The following MYH9 variants were observed in gnomAD, a reference collection of about 807,000 sequenced individuals.
MYH9 encodes the protein myosin-9.
MYH9 carries 29 observed loss-of-function variants against 241.9 expected under a neutral mutation model. That is an observed-to-expected ratio of 0.12 (90% CI 0.09 to 0.16). MYH9 has a LOEUF of 0.16. Among genes scored for constraint, MYH9 ranks in the 10% least tolerant of loss-of-function variants. MYH9 has a pLI of 1.00. For missense variants in MYH9, 1,803 were observed against 2,595.5 expected (o/e 0.69, Z 6.63); for synonymous variants, 1,047 against 1,062.6 (o/e 0.99, Z 0.29).
chr22:36,288,535 G>A lies in MYH9; in HGVS notation c.4771-122C>T. ...CCATGGGGCCTCGGGAAACCAGTGG[G>A]GATTACTGACCATAAGAACTCTAAG... is the stretch of plus-strand genomic sequence containing the variant. On this transcript the variant is annotated intron_variant, in intron 33 of 40. Coordinates refer to ENST00000216181, the MANE Select transcript of MYH9 (RefSeq NM_002473.6). The surrounding 1 kb of genome is among the most constrained non-coding windows in gnomAD (Gnocchi z 4.8). The A allele has an allele frequency of 7.1e-7, 1 of 1,404,340 alleles. No homozygotes were observed. Among genetic ancestry groups the A allele is most frequent in the Non-Finnish European group, 9.9e-7 (1 of 1,006,956 alleles). 87.0% of individuals were successfully genotyped at this position (1,404,340 alleles called of 1,614,324 possible).
intron 30 of MYH9, 79 bp from the exon 31 acceptor site, chr22:36,292,313 A>T: frequency 6.3e-7 from 1 of 1,590,574 alleles, no homozygotes; most frequent in Non-Finnish European, 8.6e-7. Flanking sequence ...GGCAGCTGGG[A>T]GCCTGCCTGC....
At chr22:36,343,316 G>A (rs184701569) in intron 2 of MYH9, among the ~76,000 whole-genome samples, 153 of 152,116 alleles carry the variant, frequency 1.0e-3, no homozygotes, top group Non-Finnish European at 2.0e-3. Context: ...TGAGAGGATC[G>A]CTTGAGGCCA....
chr22:36,349,262 G>C lies in MYH9; in HGVS notation c.-19-7C>G. The C allele has an allele frequency of 1.2e-6, 2 of 1,607,118 alleles. No homozygotes were observed. The highest frequency in any genetic ancestry group is 8.5e-7 in the Non-Finnish European group (1 of 1,174,428). On this transcript the variant is annotated splice_polypyrimidine_tract_variant and splice_region_variant and intron_variant, in intron 1 of 40. Transcript: ENST00000216181. ...GGTGACTTATAGCCAGGACCTAAGCGGGGAGGAGAAGGACAACACATTACA... is the reference window on the plus strand; with the variant it reads ...GGTGACTTATAGCCAGGACCTAAGCCGGGAGGAGAAGGACAACACATTACA...
chr22:36,295,728 G>A lies in MYH9; in HGVS notation c.3273-11C>T, dbSNP rs187048815. 1.5e-4 allele frequency: 249 copies of A among 1,609,798 alleles called. No homozygotes were observed. The highest frequency in any genetic ancestry group is 8.0e-4 in the Admixed American group (48 of 59,756). On this transcript the variant is annotated splice_polypyrimidine_tract_variant and intron_variant, in intron 25 of 40. Coordinates refer to ENST00000216181, the MANE Select transcript of MYH9 (RefSeq NM_002473.6). This position sits in a 1 kb window ranked among gnomAD's most constrained non-coding sequence, Gnocchi z 4.1. ...GCTTCCTCTTCCACTCTGCCAAAGC[G>A]ACCAGCAACATCAGTATAAGGAGAG...
At chr22:36,294,422 G>T in intron 27 of MYH9, 124 bp from the exon 28 acceptor site, 1 of 1,035,996 alleles carries the variant, frequency 9.7e-7, no homozygotes, top group Non-Finnish European at 1.4e-6. Context: ...GTGTGCCTGC[G>T]TCCTGGACTC....
chr22:36,292,230 G>A lies in MYH9; in HGVS notation c.4100C>T (p.Ala1367Val), dbSNP rs774636106. 6.2e-7 allele frequency: 1 copy of A among 1,613,620 alleles called. No homozygotes were observed. The highest frequency in any genetic ancestry group is 1.7e-5 in the Admixed American group (1 of 60,006). ...KQIATLHAQV[A>V]DMKKKMEDSV... is the part of the protein sequence containing the mutation. ...GTCCTCCATCTTCTTTTTCATGTCG[G>A]CCACCTGGGCAGGAGCAAGGAGTAA... is the stretch of plus-strand genomic sequence containing the variant. Residue 1367 changes from alanine (A) to valine (V), a missense_variant, in exon 31 of 41, where the codon GCC becomes GTC. Coordinates refer to ENST00000216181, the MANE Select transcript of MYH9 (RefSeq NM_002473.6).
At chr22:36,370,603 A>T (rs147065841) in intron 1 of MYH9, among the ~76,000 whole-genome samples, 50 of 152,360 alleles carry the variant, frequency 3.3e-4, no homozygotes, top group Admixed American at 1.5e-3. Context: ...TTTAGGTTAT[A>T]GTCCTGCACC....
Position 36,289,251 on chromosome 22 carries a change from C to T in MYH9, c.4391G>A (p.Arg1464His), listed in dbSNP as rs199968414. 46 of 1,612,708 alleles carry T rather than the reference C, an allele frequency of 2.9e-5. No homozygotes were observed. The East Asian group carries it at 8.9e-4, about 31-fold the overall frequency. Residue 1464 changes from arginine (R) to histidine (H), a missense_variant, in exon 32 of 41, where the codon CGC becomes CAC. Arg to His is a conservative substitution (Grantham distance 29, BLOSUM62 0). Coordinates refer to ENST00000216181, the MANE Select transcript of MYH9 (RefSeq NM_002473.6). ...KTISAKYAEE[R>H]DRAEAEAREK... ...TCGGGCCTCCGCCTCAGCCCGGTCG[C>T]GCTCCTCTGCATACTTGGCAGAGAT...
chr22:36,365,763 T>TAAA (rs1379265943), intron 1 of MYH9, among the ~76,000 whole-genome samples: 1 of 152,238 alleles, frequency 6.6e-6, no homozygotes, highest in Non-Finnish European at 1.5e-5. Flanking sequence ...ACCCGGCCTT[T>TAAA]TTTTAAATTT....
At chr22:36,342,839 T>C (rs1285589029) in intron 2 of MYH9, among the ~76,000 whole-genome samples, 3 of 152,214 alleles carry the variant, frequency 2.0e-5, no homozygotes, top group Admixed American at 1.3e-4. Flanking sequence ...TGTGAAGTGA[T>C]GATGGAAGGT....
In MYH9 at chr22:36,311,566, G is replaced by A. The variant is rs142274184; in HGVS notation, c.1728+483C>T. On this transcript the variant is annotated intron_variant, in intron 14 of 40. Transcript: ENST00000216181. The stretch of plus-strand genomic sequence containing the variant: ...GCCGAGGTTGAGGAGCCCTGCCCCG[G>A]AGCACTGATTCATGCCACATGTTGG... 5.8e-3 allele frequency among the ~76,000 whole-genome samples: 889 copies of A among 152,298 alleles called. 7 individuals are homozygous for A. Among genetic ancestry groups the A allele is most frequent in the African/African-American group, 0.02 (850 of 41,556 alleles).
chr22:36,304,971 G>T, intron 18 of MYH9, 62 bp downstream of exon 18: 1 of 1,530,422 alleles, frequency 6.5e-7, no homozygotes, highest in Non-Finnish European at 9.0e-7. Flanking sequence ...CCCTGGCCAC[G>T]TGGGCACTCC....
intron 11 of MYH9, among the ~76,000 whole-genome samples, chr22:36,317,991 C>T (rs1392010031): frequency 6.6e-6 from 1 of 152,258 alleles, no homozygotes; most frequent in East Asian, 1.9e-4. Flanking sequence ...GATGGCACTT[C>T]CTGGGCGTGA....
chr22:36,291,935 TCA>T (rs769454793), intron 31 of MYH9, 49 bp downstream of exon 31: 40 of 1,612,772 alleles, frequency 2.5e-5, no homozygotes, highest in Non-Finnish European at 3.2e-5. Context: ...TGCTTTGGAC[TCA>T]GTGCTTGAAG....
intron 3 of MYH9, among the ~76,000 whole-genome samples, chr22:36,338,879 T>C (rs1485880032): frequency 6.6e-6 from 1 of 151,848 alleles, no homozygotes; most frequent in East Asian, 1.9e-4. Flanking sequence ...TTTGCAAATC[T>C]GATCAAACCA....
intron 2 of MYH9, among the ~76,000 whole-genome samples, chr22:36,342,959 C>A (rs1312348708): frequency 6.6e-6 from 1 of 152,238 alleles, no homozygotes; most frequent in Non-Finnish European, 1.5e-5. Flanking sequence ...TTCTCCATCA[C>A]AAGTGGCCTG....
intron 13 of MYH9, among the ~76,000 whole-genome samples, chr22:36,313,451 CAAAAAAAAA>C (rs57101170): frequency 7.6e-5 from 4 of 52,930 alleles, no homozygotes; most frequent in Admixed American, 4.4e-4. Flanking sequence ...GACTCCGTCT[CAAAAAAAAA>C]AAAAAAAAAA....
At chr22:36,311,174 A>G (rs551004759) in intron 14 of MYH9, among the ~76,000 whole-genome samples, 27 of 152,342 alleles carry the variant, frequency 1.8e-4, no homozygotes, top group Non-Finnish European at 2.6e-4. Flanking sequence ...TGCAGGAAGC[A>G]CACGATATGC....
At chr22:36,325,398 G>T (rs149348353) in intron 5 of MYH9, among the ~76,000 whole-genome samples, 2 of 152,172 alleles carry the variant, frequency 1.3e-5, no homozygotes, top group African/African-American at 2.4e-5. Flanking sequence ...GGCCGCACAC[G>T]GCACGCCAGT....
Sources: gnomAD v4.1 joint callset for allele counts (sites outside exome capture counted in the v4.1 genomes callset) on GRCh38, gnomAD v4.1.1 for gene constraint, Gnocchi (gnomAD v3.1) non-coding constraint, MANE v1.5 for transcripts, NCBI Gene and HGNC (gene_info 2026-07-23, HGNC 2026-07-21) for gene names.